Variants in B4GALT5 observed in about 807,000 individuals in gnomAD.
The protein encoded by B4GALT5 is beta-1,4-galactosyltransferase 5, also known as UDP-Gal:beta-GlcNAc beta-1,4-galactosyltransferase 5.
In B4GALT5, 11 loss-of-function variants were observed where a neutral mutation model predicts 45.0. That is an observed-to-expected ratio of 0.24 (90% CI 0.15 to 0.40). The LOEUF is 0.40. Among genes scored for constraint, B4GALT5 ranks in the 10% least tolerant of loss-of-function variants. The pLI, the probability that B4GALT5 is intolerant of heterozygous loss-of-function variation, is 1.00. For missense variants in B4GALT5, 337 were observed against 500.2 expected, an observed-to-expected ratio of 0.67 and a Z score of 3.11; for synonymous variants, 185 against 182.9, an observed-to-expected ratio of 1.01 and a Z score of -0.09.
Position 49,634,264 on chromosome 20 carries a change from G to C in B4GALT5, c.*2048C>G, listed in dbSNP as rs535821984. On this transcript the variant is annotated 3_prime_UTR_variant, in exon 9 of 9. Coordinates refer to ENST00000371711, the MANE Select transcript of B4GALT5 (RefSeq NM_004776.4). The stretch of plus-strand genomic sequence containing the variant: ...AGTTTGTGGGGATCATATGTCCACA[G>C]AACCATCACATGCAACGAAAAAAGC... 1.3e-5 allele frequency: 2 copies of C among 152,292 alleles called. No individual in the cohort carries two copies. The highest frequency in any genetic ancestry group is 1.9e-4 in the East Asian group (1 of 5,158). 9.4% of individuals were successfully genotyped at this position (152,292 alleles called of 1,614,324 possible). A position where few individuals can be genotyped will look rare whatever the true frequency, so the allele number is the denominator to read the frequency against.
At chr20:49,644,061 G>A (rs962302391) in intron 3 of B4GALT5, among the ~76,000 whole-genome samples, 1 of 151,106 alleles carries the variant, frequency 6.6e-6, no homozygotes, top group Non-Finnish European at 1.5e-5. Flanking sequence ...CTGAGTAGCT[G>A]CGGTTACAGG....
At chr20:49,696,230 T>A (rs2085839119) in intron 1 of B4GALT5, among the ~76,000 whole-genome samples, 2 of 152,096 alleles carry the variant, frequency 1.3e-5, no homozygotes, top group South Asian at 4.1e-4. Flanking sequence ...TAGAGAAAAA[T>A]AATTACTAAG....
At chr20:49,690,551 A>G (rs2085806249) in intron 1 of B4GALT5, among the ~76,000 whole-genome samples, 1 of 146,198 alleles carries the variant, frequency 6.8e-6, no homozygotes, top group South Asian at 2.1e-4. Context: ...CTCTAACTCA[A>G]AAAAAAAAAG....
intron 1 of B4GALT5, among the ~76,000 whole-genome samples, chr20:49,678,028 G>C (rs1026230963): frequency 2.0e-5 from 3 of 152,264 alleles, no homozygotes; most frequent in African/African-American, 4.8e-5. Context: ...AATTATAGGC[G>C]TGAGTCATCA....
chr20:49,694,339 C>A (rs750954518), intron 1 of B4GALT5, among the ~76,000 whole-genome samples: 1 of 151,990 alleles, frequency 6.6e-6, no homozygotes, highest in South Asian at 2.1e-4. Flanking sequence ...AAAACTGTAA[C>A]TTCCTCTTCC....
At chr20:49,701,084 AAC>A (rs1273898062) in intron 1 of B4GALT5, among the ~76,000 whole-genome samples, 1 of 152,236 alleles carries the variant, frequency 6.6e-6, no homozygotes, top group Non-Finnish European at 1.5e-5. Context: ...CTTAAAAAAT[AAC>A]AGTGATACAC....
At chr20:49,707,728 C>A (rs1438555934) in intron 1 of B4GALT5, among the ~76,000 whole-genome samples, 2 of 152,068 alleles carry the variant, frequency 1.3e-5, no homozygotes, top group African/African-American at 4.8e-5. Flanking sequence ...GATCTTCTGA[C>A]CTCAGCCTCC....
intron 1 of B4GALT5, among the ~76,000 whole-genome samples, chr20:49,702,974 C>G (rs2085868826): frequency 6.6e-6 from 1 of 151,798 alleles, no homozygotes; most frequent in African/African-American, 2.4e-5. Context: ...GAGATCAAGA[C>G]CATCCTGGCT....
intron 5 of B4GALT5, among the ~76,000 whole-genome samples, chr20:49,641,789 T>C (rs538157983): frequency 2.0e-5 from 3 of 152,310 alleles, no homozygotes; most frequent in East Asian, 3.9e-4. Flanking sequence ...TCTATGGATA[T>C]AGCACCTCTA....
At chr20:49,713,445 G>A (rs1175501251) in intron 1 of B4GALT5, 131 bp downstream of exon 1, 3 of 857,508 alleles carry the variant, frequency 3.5e-6, no homozygotes, top group African/African-American at 3.7e-5. Flanking sequence ...AGCCGGGCCA[G>A]GACTCCGGAG....
chr20:49,656,760 C>G, intron 1 of B4GALT5, 58 bp from the exon 2 acceptor site: 1 of 1,600,824 alleles, frequency 6.2e-7, no homozygotes, highest in Non-Finnish European at 8.5e-7. Flanking sequence ...TTTAAAAAAA[C>G]ATACCACATA....
chr20:49,713,695 C>CAGCCAGGCGGCCGCTAGAG lies in B4GALT5; in HGVS notation c.-24_-6dup, dbSNP rs2085931855. ...CAGCCCCCGGCGGGCGCGCATGCTG[C>CAGCCAGGCGGCCGCTAGAG]AGCCAGGCGGCCGCTAGAGAGCCAG... On this transcript the variant is annotated 5_prime_UTR_variant, in exon 1 of 9. It introduces an in-frame stop codon into an upstream open reading frame of the 5' UTR. Transcript: ENST00000371711. The CAGCCAGGCGGCCGCTAGAG allele has an allele frequency of 2.9e-6, 4 of 1,402,078 alleles. No individual in the cohort carries two copies. The East Asian group carries it at 1.2e-4, about 40-fold the overall frequency. 86.9% of individuals were successfully genotyped at this position (1,402,078 alleles called of 1,614,324 possible).
intron 6 of B4GALT5, among the ~76,000 whole-genome samples, chr20:49,640,113 C>T (rs1456462333): frequency 6.6e-6 from 1 of 152,182 alleles, no homozygotes; most frequent in African/African-American, 2.4e-5. Context: ...CAAAGCCTTG[C>T]ACCCATTAGC....
Position 49,667,312 on chromosome 20 carries a change from C to T in B4GALT5, c.116-10610G>A, listed in dbSNP as rs531472844. Reference sequence around the variant, plus strand: ...TCACCCAGGCTGGAGTGCAGTGGCGCGATCTCAGCTCACTGCAGGCTGCGC... The same window carrying T: ...TCACCCAGGCTGGAGTGCAGTGGCGTGATCTCAGCTCACTGCAGGCTGCGC... On this transcript the variant is annotated intron_variant, in intron 1 of 8. Transcript: ENST00000371711. 7.5e-3 allele frequency among the ~76,000 whole-genome samples: 1,140 copies of T among 151,022 alleles called. 1 individual carries two copies. The highest frequency in any genetic ancestry group is 0.011 in the Non-Finnish European group (716 of 67,844).
At chr20:49,640,269 G>A (rs1183019131) in intron 6 of B4GALT5, among the ~76,000 whole-genome samples, 1 of 152,104 alleles carries the variant, frequency 6.6e-6, no homozygotes, top group African/African-American at 2.4e-5. Flanking sequence ...TTAACGTAAT[G>A]TTTTCGAAGT....
Position 49,701,297 on chromosome 20 carries a change from T to C in B4GALT5, c.115+12279A>G, listed in dbSNP as rs571602234. On this transcript the variant is annotated intron_variant, in intron 1 of 8. Transcript: ENST00000371711. ...CCCCTGCCTTTAATCACCATTTTTA[T>C]CACTCACATTTAGATAAATACATTT... is the stretch of plus-strand genomic sequence containing the variant. 2.6e-5 allele frequency among the ~76,000 whole-genome samples: 4 copies of C among 152,286 alleles called. No individual in the cohort carries two copies. The East Asian group carries it at 7.7e-4, about 29-fold the overall frequency.
intron 1 of B4GALT5, among the ~76,000 whole-genome samples, chr20:49,698,606 G>C (rs553454359): frequency 6.6e-6 from 1 of 151,358 alleles, no homozygotes; most frequent in African/African-American, 2.4e-5. Flanking sequence ...TCCCACTCTC[G>C]CATTCACACA....
At chr20:49,692,154 G>C (rs1600552527) in intron 1 of B4GALT5, among the ~76,000 whole-genome samples, 1 of 148,028 alleles carries the variant, frequency 6.8e-6, no homozygotes, top group African/African-American at 2.5e-5. Flanking sequence ...CTCACCTACT[G>C]TTTTTTTTTT....
At chr20:49,656,517 T>G in intron 2 of B4GALT5, 51 bp downstream of exon 2, 1 of 1,596,354 alleles carries the variant, frequency 6.3e-7, no homozygotes, top group Non-Finnish European at 8.6e-7. Flanking sequence ...CGAATTTACC[T>G]CTCTTGGGAG....
Sources: gnomAD v4.1 joint callset for allele counts (sites outside exome capture counted in the v4.1 genomes callset) on GRCh38, gnomAD v4.1.1 for gene constraint, MANE v1.5 for transcripts, NCBI Gene and HGNC (gene_info 2026-07-23, HGNC 2026-07-21) for gene names.